SAMMSON: variants seen among roughly 807,000 people sequenced by gnomAD.
SAMMSON encodes long intergenic non-protein coding RNA 1212.
At chr3:70,388,758 G>T (rs1046184026) in intron 9 of SAMMSON, among the ~76,000 whole-genome samples, 1 of 152,142 alleles carries the variant, frequency 6.6e-6, no homozygotes, top group Non-Finnish European at 1.5e-5. Flanking sequence ...AGGAATGCCT[G>T]AGGAAATAGC....
intron 1 of SAMMSON, among the ~76,000 whole-genome samples, chr3:70,010,868 G>T (rs1004088681): frequency 1.3e-5 from 2 of 152,080 alleles, no homozygotes; most frequent in African/African-American, 4.8e-5. Flanking sequence ...CAGGGGAAAT[G>T]CCAGACGCTT....
intron 4 of SAMMSON, among the ~76,000 whole-genome samples, chr3:70,083,204 T>A (rs540060876): frequency 6.6e-6 from 1 of 152,206 alleles, no homozygotes; most frequent in African/African-American, 2.4e-5. Flanking sequence ...TTTGCCAGAA[T>A]TGGCCGTCTT....
chr3:70,132,790 GAA>G (rs10561210), intron 4 of SAMMSON, among the ~76,000 whole-genome samples: 18,138 of 138,236 alleles, frequency 0.13, 1,147 homozygotes, highest in East Asian at 0.24. Context: ...AAAAAGAAAA[GAA>G]AAAAAAAACA....
intron 4 of SAMMSON, among the ~76,000 whole-genome samples, chr3:70,231,858 C>T (rs111968233): frequency 0.024 from 3,655 of 152,206 alleles, 121 homozygotes; most frequent in African/African-American, 0.082. Flanking sequence ...ACTAAACAGG[C>T]CTGCTGTGAT....
intron 3 of SAMMSON, among the ~76,000 whole-genome samples, chr3:70,025,995 G>T (rs2067035778): frequency 6.6e-6 from 1 of 152,014 alleles, no homozygotes; most frequent in South Asian, 2.1e-4. Flanking sequence ...CATATAATTG[G>T]ACCCATGCAT....
intron 4 of SAMMSON, among the ~76,000 whole-genome samples, chr3:70,201,072 C>A (rs1319839588): frequency 1.3e-5 from 2 of 150,876 alleles, no homozygotes; most frequent in African/African-American, 2.4e-5. Flanking sequence ...TTATTAAGTT[C>A]AGGGGTCATG....
chr3:70,141,462 C>A (rs546652327), intron 4 of SAMMSON, among the ~76,000 whole-genome samples: 1 of 152,282 alleles, frequency 6.6e-6, no homozygotes, highest in South Asian at 2.1e-4. Context: ...GATACCCACC[C>A]ATGTTGATGA....
At chr3:70,206,113 G>T (rs2106724034) in intron 4 of SAMMSON, among the ~76,000 whole-genome samples, 1 of 152,112 alleles carries the variant, frequency 6.6e-6, no homozygotes, top group African/African-American at 2.4e-5. Flanking sequence ...ATAGATTGCT[G>T]ATGAGATTGC....
intron 2 of SAMMSON, among the ~76,000 whole-genome samples, chr3:70,399,581 A>G (rs1701122008): frequency 6.6e-6 from 1 of 152,144 alleles, no homozygotes; most frequent in South Asian, 2.1e-4. Flanking sequence ...AAACACTTTC[A>G]TGGGCCAGAC....
At chr3:70,059,017 G>A (rs2067177996) in intron 3 of SAMMSON, among the ~76,000 whole-genome samples, 1 of 151,982 alleles carries the variant, frequency 6.6e-6, no homozygotes, top group Non-Finnish European at 1.5e-5. Context: ...TAGTTGACCT[G>A]TTTAAGTTCA....
chr3:70,395,540 C>A (rs991572955), intron 2 of SAMMSON, among the ~76,000 whole-genome samples: 6 of 151,946 alleles, frequency 3.9e-5, no homozygotes, highest in African/African-American at 1.5e-4. Flanking sequence ...TTGTTGAAAG[C>A]ACTTTGGCTT....
intron 4 of SAMMSON, among the ~76,000 whole-genome samples, chr3:70,112,648 C>A (rs2067394363): frequency 6.6e-6 from 1 of 152,054 alleles, no homozygotes; most frequent in African/African-American, 2.4e-5. Flanking sequence ...TTTTTCTTTA[C>A]ATTGTTGAGA....
At chr3:70,373,322 C>T (rs1702986562) in intron 9 of SAMMSON, among the ~76,000 whole-genome samples, 1 of 152,150 alleles carries the variant, frequency 6.6e-6, no homozygotes, top group African/African-American at 2.4e-5. Flanking sequence ...TGTCCTTCAT[C>T]ATTTTTGATG....
intron 7 of SAMMSON, chr3:70,332,645 G>A (rs1702629732): frequency 6.6e-6 from 1 of 152,196 alleles, no homozygotes; most frequent in Non-Finnish European, 1.5e-5. Flanking sequence ...CCCCAGGCTG[G>A]AGTGCAGTGT....
chr3:70,284,129 A>G (rs1273214105), intron 6 of SAMMSON, among the ~76,000 whole-genome samples: 1 of 152,162 alleles, frequency 6.6e-6, no homozygotes, highest in Non-Finnish European at 1.5e-5. Context: ...ACAACGTTCT[A>G]GTTAAAATTT....
rs139988028 is a variant in SAMMSON, at chr3:70,020,479, G to C, written n.417+6807G>C. On this transcript the variant is annotated intron_variant and non_coding_transcript_variant, in intron 3 of 9. Coordinates refer to ENST00000642114, the Ensembl canonical transcript of SAMMSON. ...TATGGAGACTGTGGCATCTGTGGTA[G>C]TGGCAGATGAATCAACAGAACCAGG... is the stretch of plus-strand genomic sequence containing the variant. 1.0e-3 allele frequency among the ~76,000 whole-genome samples: 157 copies of C among 152,276 alleles called. 3 individuals carry two copies. The East Asian group carries it at 0.021, about 21-fold the overall frequency.
At chr3:70,428,599 C>G (rs1701390160) in intron 2 of SAMMSON, among the ~76,000 whole-genome samples, 1 of 152,168 alleles carries the variant, frequency 6.6e-6, no homozygotes, top group Non-Finnish European at 1.5e-5. Context: ...TTTCTTTCTT[C>G]TGACTTTGGT....
At chr3:70,415,841 C>A (rs1156292463) in intron 2 of SAMMSON, among the ~76,000 whole-genome samples, 4 of 152,136 alleles carry the variant, frequency 2.6e-5, no homozygotes, top group South Asian at 2.1e-4. Context: ...CACCGAGCTA[C>A]CCTTTAATTA....
intron 4 of SAMMSON, among the ~76,000 whole-genome samples, chr3:70,097,236 G>A (rs1241570167): frequency 3.3e-5 from 5 of 152,190 alleles, no homozygotes; most frequent in Admixed American, 3.3e-4. Context: ...TGTTCAAACA[G>A]AGAAAAAACA....
Sources: gnomAD v4.1 joint callset for allele counts (sites outside exome capture counted in the v4.1 genomes callset) on GRCh38, gnomAD v4.1.1 for gene constraint, MANE v1.5 for transcripts, NCBI Gene and HGNC (gene_info 2026-07-23, HGNC 2026-07-21) for gene names.